The following SLC12A6 variants were observed in gnomAD, a reference collection of about 807,000 sequenced individuals.
SLC12A6 encodes the protein K-Cl cotransporter 3.
A neutral mutation model predicts 135.3 loss-of-function variants in SLC12A6; 66 were observed. The ratio of observed to expected loss-of-function variants is 0.49; its 90% CI spans 0.40 to 0.60. The LOEUF is 0.60. Ranked by LOEUF, SLC12A6 falls within the 20% of genes least tolerant of loss-of-function variation. The probability of loss-of-function intolerance (pLI) is 0.00; values close to 1 mark genes in which losing one functional copy is unlikely to be tolerated. For missense variants in SLC12A6, 1,058 were observed against 1,452.3 expected (o/e 0.73, Z 4.41); for synonymous variants, 513 against 508.8 (o/e 1.01, Z -0.11).
chr15:34,287,921 T>C (rs1415589153), intron 2 of SLC12A6, among the ~76,000 whole-genome samples: 2 of 152,246 alleles, frequency 1.3e-5, no homozygotes, highest in Admixed American at 1.3e-4. Flanking sequence ...TCTCCCGTTC[T>C]GTAGGTTGCC....
intron 2 of SLC12A6, among the ~76,000 whole-genome samples, chr15:34,282,659 G>C (rs1282862574): frequency 6.6e-6 from 1 of 152,144 alleles, no homozygotes; most frequent in South Asian, 2.1e-4. Flanking sequence ...AGGCTGAAGT[G>C]AGAGGATACT....
rs1057516337 is a variant in SLC12A6, at chr15:34,239,162, T to C, written c.2437-2A>G. On this transcript the variant is annotated splice_acceptor_variant, in intron 19 of 25. Transcript: ENST00000354181. LOFTEE classifies it high-confidence loss of function. ...TGCCTCCATTAGGTGCTTTATGGTC[T>C]GAAAGAGACACAGGACCGCAACACT... 6.2e-7 allele frequency: 1 copy of C among 1,609,910 alleles called. No individual in the cohort carries two copies. The highest frequency in any genetic ancestry group is 8.5e-7 in the Non-Finnish European group (1 of 1,176,158).
intron 21 of SLC12A6, 25 bp downstream of exon 21, chr15:34,238,207 G>A (rs1384094195): frequency 6.4e-7 from 1 of 1,554,554 alleles, no homozygotes; most frequent in South Asian, 1.1e-5. Context: ...AAAGACTTTT[G>A]TAAAAAAAAA....
intron 3 of SLC12A6, among the ~76,000 whole-genome samples, chr15:34,271,725 A>C (rs928981784): frequency 1.3e-5 from 2 of 152,152 alleles, no homozygotes; most frequent in African/African-American, 4.8e-5. Context: ...GTTTTGCAAG[A>C]GACCCGATGA....
intron 2 of SLC12A6, among the ~76,000 whole-genome samples, chr15:34,293,802 C>T (rs182554868): frequency 3.3e-5 from 5 of 152,302 alleles, no homozygotes; most frequent in Admixed American, 3.3e-4. Flanking sequence ...CAAGGTCTCC[C>T]TATGTTGCCC....
chr15:34,235,657 C>T lies in SLC12A6; in HGVS notation c.3228-343G>A, dbSNP rs915503571. Among the ~76,000 whole-genome samples, 9 of 152,140 alleles carry T rather than the reference C, an allele frequency of 5.9e-5. No individual in the cohort carries two copies. The South Asian group carries it at 8.3e-4, about 14-fold the overall frequency. ...TTCACCATGTTGGGCAGGCTGGTCT[C>T]GAACTCCTGACCTCAGGTGATCCAC... On this transcript the variant is annotated intron_variant, in intron 24 of 25. Coordinates refer to ENST00000354181, the MANE Select transcript of SLC12A6 (RefSeq NM_001365088.1).
intron 2 of SLC12A6, among the ~76,000 whole-genome samples, chr15:34,326,031 T>C (rs1818182543): frequency 6.6e-6 from 1 of 152,220 alleles, no homozygotes; most frequent in South Asian, 2.1e-4. Flanking sequence ...GGATAGTTGA[T>C]GGCTAGCTAA....
intron 15 of SLC12A6, 143 bp from the exon 16 acceptor site, chr15:34,244,215 C>T: frequency 3.0e-6 from 2 of 677,616 alleles, no homozygotes; most frequent in South Asian, 3.2e-5. Flanking sequence ...ACTTAAACCT[C>T]TCCCCACAAA....
intron 2 of SLC12A6, among the ~76,000 whole-genome samples, chr15:34,294,074 C>A (rs1895719508): frequency 1.3e-5 from 2 of 152,294 alleles, no homozygotes; most frequent in Non-Finnish European, 2.9e-5. Context: ...TATTCATTTT[C>A]TTTCTTGTGT....
intron 19 of SLC12A6, among the ~76,000 whole-genome samples, chr15:34,239,756 T>TCTTGGTGGGAAAAGGAA (rs71119952): frequency 0.97 from 147,890 of 152,186 alleles, 71,971 homozygotes; most frequent in East Asian, 1. Flanking sequence ...TACTCCACCC[T>TCTTGGTGGGAAAAGGAA]GGGAATAATG....
chr15:34,252,378 G>A lies in SLC12A6; in HGVS notation c.1125C>T (p.Cys375=), dbSNP rs1288943308. 5.0e-6 allele frequency: 8 copies of A among 1,597,056 alleles called. No individual in the cohort carries two copies. The highest frequency in any genetic ancestry group is 1.1e-5 in the South Asian group (1 of 90,792). ...ATGAAAGGGTGCGGTTACCCAGCAT[G>A]CAGACCCTAAGTGAAAAGAAATAGG... ...SSFAPPHFPV[C]MLGNRTLSSR... The change falls in exon 10 of 26, where the codon TGC becomes TGT. Residue 375 remains cysteine, a synonymous_variant. Transcript: ENST00000354181.
rs1056020638 is a variant in SLC12A6, at chr15:34,230,679, C to G, written c.*3202G>C. 6.6e-6 allele frequency: 1 copy of G among 152,622 alleles called. No homozygotes were observed. The highest frequency in any genetic ancestry group is 1.5e-5 in the Non-Finnish European group (1 of 68,036). 9.5% of individuals were successfully genotyped at this position (152,622 alleles called of 1,614,324 possible). A position where few individuals can be genotyped will look rare whatever the true frequency, so the allele number is the denominator to read the frequency against. ...AGCCCCTTCCCCTAAGGTGCATTCT[C>G]TCAAGTTTTCAGTATTGCTTTATTT... On this transcript the variant is annotated 3_prime_UTR_variant, in exon 26 of 26. Coordinates refer to ENST00000354181, the MANE Select transcript of SLC12A6 (RefSeq NM_001365088.1).
At chr15:34,269,053 T>G (rs1313019593) in intron 3 of SLC12A6, among the ~76,000 whole-genome samples, 1 of 152,102 alleles carries the variant, frequency 6.6e-6, no homozygotes, top group Non-Finnish European at 1.5e-5. Context: ...ACATGGGGTT[T>G]TGCCATGTTG....
chr15:34,253,323 A>T (rs1298333122), intron 9 of SLC12A6, among the ~76,000 whole-genome samples: 2 of 152,194 alleles, frequency 1.3e-5, no homozygotes, highest in Non-Finnish European at 2.9e-5. Flanking sequence ...TGTACTAATC[A>T]AAAAAGAGGA....
At position 34,231,585 on chromosome 15, in the gene SLC12A6, TTTC is replaced by T. The variant is rs1357020275; in HGVS notation, c.*2293_*2295del. 7.0e-6 allele frequency: 1 copy of T among 142,242 alleles called. No homozygotes were observed. Among genetic ancestry groups the T allele is most frequent in the Non-Finnish European group, 1.5e-5 (1 of 65,000 alleles). 8.8% of individuals were successfully genotyped at this position (142,242 alleles called of 1,614,324 possible). On this transcript the variant is annotated 3_prime_UTR_variant, in exon 26 of 26. Transcript: ENST00000354181. ...AAATCAAAATTACTCAATTTCTTTCTTTCTTTCTTTTTTTTTTTTTTTGAGATG... is the reference window on the plus strand; with the variant it reads ...AAATCAAAATTACTCAATTTCTTTCTTTTCTTTTTTTTTTTTTTTGAGATG...
rs1000380125 is a variant in SLC12A6, at chr15:34,270,114, A to T, written c.316+5231T>A. The stretch of plus-strand genomic sequence containing the variant: ...AATAATTGGTTCACTAAATACTCCA[A>T]TGGTGACCAGTTAGTTGTGGGTTTT... On this transcript the variant is annotated intron_variant, in intron 3 of 25. Transcript: ENST00000354181. Among the ~76,000 whole-genome samples the T allele has an allele frequency of 5.9e-5, 9 of 151,808 alleles. 1 individual carries two copies. The highest frequency in any genetic ancestry group is 2.2e-4 in the African/African-American group (9 of 41,072).
intron 2 of SLC12A6, among the ~76,000 whole-genome samples, chr15:34,282,096 C>T (rs1043632455): frequency 2.0e-5 from 3 of 152,154 alleles, no homozygotes; most frequent in African/African-American, 4.8e-5. Flanking sequence ...GAATAAGCTG[C>T]GATAGTAGCA....
Position 34,250,934 on chromosome 15 carries a change from G to A in SLC12A6, c.1457C>T (p.Thr486Met), listed in dbSNP as rs748315324. 1.1e-5 allele frequency: 18 copies of A among 1,611,706 alleles called. No homozygotes were observed. The highest frequency in any genetic ancestry group is 1.7e-5 in the Admixed American group (1 of 59,990). The change falls in exon 11 of 26, where the codon ACG becomes ATG. Residue 486 changes from threonine (T) to methionine (M), a missense_variant. Physicochemically the swap from Thr to Met is moderately conservative, Grantham distance 81 (BLOSUM62 -1). Transcript: ENST00000354181. ...GGGAAAGAAGATTCCCACCAGAAGC[G>A]TGAAGGAGGTGGTGATGTCAACAAG... ...YVLVDITTSFTLLVGIFFPSV... is the reference protein window; with the variant it reads ...YVLVDITTSFMLLVGIFFPSV...
intron 2 of SLC12A6, among the ~76,000 whole-genome samples, chr15:34,314,049 A>ATTTT (rs199648925): frequency 2.8e-5 from 4 of 140,518 alleles, no homozygotes; most frequent in Non-Finnish European, 4.6e-5. Flanking sequence ...TGGTTTATTG[A>ATTTT]TTTTTTTTTT....
Sources: allele counts gnomAD v4.1 joint callset (sites outside exome capture counted in the v4.1 genomes callset), GRCh38; gene constraint gnomAD v4.1.1; transcripts MANE v1.5; gene names NCBI Gene and HGNC (gene_info 2026-07-23, HGNC 2026-07-21).